The following CLASRP variants were observed in gnomAD, a reference collection of about 807,000 sequenced individuals.
CLASRP encodes the protein CLK4-associating serine/arginine rich protein.
CLASRP carries 52 observed loss-of-function variants against 99.9 expected under a neutral mutation model. That is an observed-to-expected ratio of 0.52 (90% CI 0.42 to 0.66). CLASRP has a LOEUF of 0.66. Among genes scored for constraint, CLASRP ranks in the 30% least tolerant of loss-of-function variants. The pLI, the probability that CLASRP is intolerant of heterozygous loss-of-function variation, is 0.00. For synonymous variants in CLASRP, 379 were observed against 373.0 expected, an observed-to-expected ratio of 1.02 and a Z score of -0.18; for missense variants, 848 against 999.2, an observed-to-expected ratio of 0.85 and a Z score of 2.04.
Position 45,064,604 on chromosome 19 carries a change from T to C in CLASRP, c.1383T>C (p.Gly461=). ...HRYSRSPARR[G]GYGPRRRSRS... ...ACTCCCGCTCGCCCGCCCGGCGTGG[T>C]GGTTACGGGCCCCGGCGCAGAAGCA... is the stretch of plus-strand genomic sequence containing the variant. Residue 461 remains glycine (G), a synonymous_variant, in exon 13 of 21, where the codon GGT becomes GGC. Transcript: ENST00000221455. The C allele has an allele frequency of 6.4e-7, 1 of 1,551,524 alleles. No homozygotes were observed. Among genetic ancestry groups the C allele is most frequent in the Non-Finnish European group, 8.7e-7 (1 of 1,154,670 alleles).
At chr19:45,065,756 C>CT (rs1279199791) in intron 13 of CLASRP, among the ~76,000 whole-genome samples, 2 of 152,094 alleles carry the variant, frequency 1.3e-5, no homozygotes, top group Non-Finnish European at 2.9e-5. Context: ...GGGCACCTGC[C>CT]TGAGTGTAGA....
intron 2 of CLASRP, among the ~76,000 whole-genome samples, chr19:45,042,909 G>A (rs190971326): frequency 1.4e-4 from 21 of 152,182 alleles, no homozygotes; most frequent in Admixed American, 3.9e-4. Context: ...GAGCCACCAC[G>A]CCCGGCTAGC....
At position 45,056,446 on chromosome 19, in the gene CLASRP, G is replaced by T. The variant is rs1600103859; in HGVS notation, c.380-4G>T. On this transcript the variant is annotated splice_region_variant and splice_polypyrimidine_tract_variant and intron_variant, in intron 5 of 20. Transcript: ENST00000221455. ...TCTGACCTGGGGTCTCTTGTTTGCTGCAGTCTCAGAGGAGCAGTGCCTGTA... is the reference window on the plus strand; with the variant it reads ...TCTGACCTGGGGTCTCTTGTTTGCTTCAGTCTCAGAGGAGCAGTGCCTGTA... 6.2e-7 allele frequency: 1 copy of T among 1,613,718 alleles called. No individual in the cohort carries two copies. The highest frequency in any genetic ancestry group is 8.5e-7 in the Non-Finnish European group (1 of 1,179,730).
At chr19:45,048,424 G>A (rs946136235) in intron 2 of CLASRP, among the ~76,000 whole-genome samples, 4 of 151,306 alleles carry the variant, frequency 2.6e-5, no homozygotes, top group Non-Finnish European at 4.4e-5. Context: ...TACTCGGGAG[G>A]CTGAGGCAGG....
At chr19:45,062,011 G>T in intron 10 of CLASRP, 143 bp from the exon 11 acceptor site, 2 of 663,320 alleles carry the variant, frequency 3.0e-6, no homozygotes, top group East Asian at 2.6e-5. Flanking sequence ...GAGGAATTAA[G>T]GGGAGGCCCC....
Position 45,060,458 on chromosome 19 carries a change from C to T in CLASRP, c.780C>T (p.Ala260=), listed in dbSNP as rs527872770. 4.3e-6 allele frequency: 7 copies of T among 1,614,164 alleles called. No homozygotes were observed. Among genetic ancestry groups the T allele is most frequent in the African/African-American group, 4.0e-5 (3 of 75,046 alleles). Residue 260 remains alanine (A), a synonymous_variant, in exon 9 of 21, where the codon GCC becomes GCT. Transcript: ENST00000221455. This position sits in a 1 kb window ranked among gnomAD's most constrained non-coding sequence, Gnocchi z 4.6. ...CCAAGGCTCTTGAGGAGGAGAAGGC[C>T]ATGTACTCGGTGAGGTCTGGGCTGG... ...KHAKALEEEK[A]MYSGRRSRRQ...
In CLASRP at chr19:45,067,665, T is replaced by C; in HGVS notation, c.1667+71T>C. On this transcript the variant is annotated intron_variant, in intron 14 of 20. Coordinates refer to ENST00000221455, the MANE Select transcript of CLASRP (RefSeq NM_007056.3). The surrounding 1 kb of genome is among the most constrained non-coding windows in gnomAD (Gnocchi z 4.9). Reference sequence around the variant, plus strand: ...GGGAGGGTGAACATCACTGTTTTCTTTTTGAGGGGAACTTAGCCCTACCCT... The same window carrying C: ...GGGAGGGTGAACATCACTGTTTTCTCTTTGAGGGGAACTTAGCCCTACCCT... 4 of 1,392,972 alleles carry C rather than the reference T, an allele frequency of 2.9e-6. No homozygotes were observed. In the Admixed American group the frequency reaches 8.2e-5, roughly 28 times the overall value. 86.3% of individuals were successfully genotyped at this position (1,392,972 alleles called of 1,614,324 possible). A position where few individuals can be genotyped will look rare whatever the true frequency, so the allele number is the denominator to read the frequency against.
chr19:45,062,229 C>T (rs755161131), intron 11 of CLASRP, 34 bp downstream of exon 11: 5 of 1,228,126 alleles, frequency 4.1e-6, no homozygotes, highest in Non-Finnish European at 6.0e-6. Flanking sequence ...GAATAGCAGA[C>T]AGGGAGCCTC....
At chr19:45,046,949 C>G (rs1050794587) in intron 2 of CLASRP, among the ~76,000 whole-genome samples, 1 of 152,134 alleles carries the variant, frequency 6.6e-6, no homozygotes, top group Non-Finnish European at 1.5e-5. Flanking sequence ...ATCGCTTGAA[C>G]CCGGGAGGCA....
chr19:45,056,351 G>A (rs1025701043), intron 5 of CLASRP, 99 bp from the exon 6 acceptor site: 59 of 981,942 alleles, frequency 6.0e-5, no homozygotes, highest in Non-Finnish European at 8.9e-5. Context: ...GTGCACTGGG[G>A]TTGCACCTGT....
intron 18 of CLASRP, chr19:45,069,713 C>T (rs1026893288): frequency 6.6e-6 from 3 of 455,238 alleles, no homozygotes; most frequent in African/African-American, 5.9e-5. Context: ...GGTTGCCAAG[C>T]CTGGCCACTG....
At chr19:45,068,333 C>CCCAA in intron 15 of CLASRP, 87 bp from the exon 16 acceptor site, 1 of 645,628 alleles carries the variant, frequency 1.5e-6, no homozygotes, top group Non-Finnish European at 2.8e-6. Flanking sequence ...CCCCCCCCCG[C>CCCAA]ACAAAGCCCC....
At chr19:45,054,516 T>G (rs997511902) in intron 5 of CLASRP, among the ~76,000 whole-genome samples, 6 of 152,372 alleles carry the variant, frequency 3.9e-5, no homozygotes, top group African/African-American at 1.4e-4. Context: ...CCCAAAGTGC[T>G]GGGATTACAG....
chr19:45,063,349 G>A (rs1018376279), intron 11 of CLASRP, among the ~76,000 whole-genome samples: 1 of 148,586 alleles, frequency 6.7e-6, no homozygotes, highest in South Asian at 2.2e-4. Context: ...ACCACACTCA[G>A]TGTTTTAGAA....
intron 15 of CLASRP, 86 bp downstream of exon 15, chr19:45,068,140 CG>C: frequency 8.2e-7 from 1 of 1,226,076 alleles, no homozygotes; most frequent in South Asian, 1.2e-5. Context: ...CAGGGGGGCC[CG>C]GGTGGGCTGG....
chr19:45,041,451 C>A (rs1490912626), intron 2 of CLASRP, among the ~76,000 whole-genome samples: 1 of 152,148 alleles, frequency 6.6e-6, no homozygotes, highest in Non-Finnish European at 1.5e-5. Flanking sequence ...ATTACCCCCC[C>A]TCACCTATTT....
chr19:45,056,500 G>C lies in CLASRP; in HGVS notation c.430G>C (p.Gly144Arg), dbSNP rs780862244. The change falls in exon 6 of 21, where the codon GGC becomes CGC. Residue 144 changes from glycine (G) to arginine (R), a missense_variant. Transcript: ENST00000221455. ...YQIYIDELYG[G>R]LQRPSEDEKK... ...GATCTACATTGATGAGTTGTACGGA[G>C]GCCTCCAGAGACCCAGCGAAGATGA... 14 of 1,614,000 alleles carry C rather than the reference G, an allele frequency of 8.7e-6. No individual in the cohort carries two copies. The highest frequency in any genetic ancestry group is 1.2e-5 in the Non-Finnish European group (14 of 1,180,016).
At chr19:45,047,248 T>C (rs986443978) in intron 2 of CLASRP, among the ~76,000 whole-genome samples, 4 of 152,040 alleles carry the variant, frequency 2.6e-5, no homozygotes, top group Non-Finnish European at 5.9e-5. Context: ...CTGAAGATGT[T>C]ATGCTAAGTG....
At chr19:45,068,331 C>A (rs1358901269) in intron 15 of CLASRP, 89 bp from the exon 16 acceptor site, 17 of 647,072 alleles carry the variant, frequency 2.6e-5, no homozygotes, top group Non-Finnish European at 4.5e-5. Flanking sequence ...ACCCCCCCCC[C>A]GCACAAAGCC....
Sources: allele counts gnomAD v4.1 joint callset (sites outside exome capture counted in the v4.1 genomes callset), GRCh38; gene constraint gnomAD v4.1.1; non-coding constraint Gnocchi (gnomAD v3.1); transcripts MANE v1.5; gene names NCBI Gene and HGNC (gene_info 2026-07-23, HGNC 2026-07-21).